The following PHF14 variants were observed in gnomAD, a reference collection of about 807,000 sequenced individuals.
The protein encoded by PHF14 is PHD finger protein 14.
PHF14 carries 55 observed loss-of-function variants against 117.9 expected under a neutral mutation model. That is an observed-to-expected ratio of 0.47 (90% CI 0.38 to 0.58). The LOEUF is 0.58. PHF14 is among the 20% of genes least tolerant of loss of function. The pLI is 0.00. For missense variants in PHF14, 978 were observed against 1,122.2 expected, an observed-to-expected ratio of 0.87 and a Z score of 1.84; for synonymous variants, 409 against 368.6, an observed-to-expected ratio of 1.11 and a Z score of -1.26.
chr7:11,035,758 G>C lies in PHF14; in HGVS notation c.1574G>C (p.Arg525Thr). The change falls in exon 8 of 18, where the codon AGA becomes ACA. Residue 525 changes from arginine (R) to threonine (T), a missense_variant. Transcript: ENST00000634607. ...TATTGTAAAATGTCTTTGCAAGAGA[G>C]AGAGAAGCAACTATCACCAGAAGCA... The part of the protein sequence containing the change: ...QSYCKMSLQE[R>T]EKQLSPEAQA... 6.2e-7 allele frequency: 1 copy of C among 1,608,128 alleles called. No individual in the cohort carries two copies. Among genetic ancestry groups the C allele is most frequent in the Non-Finnish European group, 8.5e-7 (1 of 1,176,834 alleles).
intron 4 of PHF14, among the ~76,000 whole-genome samples, chr7:10,993,968 C>T (rs1262760735): frequency 6.8e-6 from 1 of 148,062 alleles, no homozygotes; most frequent in Non-Finnish European, 1.5e-5. Context: ...AAGATTGCGC[C>T]AGTGCACTTT....
rs771091879 is a variant in PHF14 at position 10,983,059 on chromosome 7, G to A, written c.800G>A (p.Gly267Asp). ...EDHSSPASEG[G>D]CKKKKSKVLS... ...CATAGTAGCCCTGCCAGTGAAGGGG[G>A]TTGCAAGAAGAAGAAGAGTAAAGTT... Residue 267 changes from glycine (G) to aspartate (D), a missense_variant, in exon 3 of 18, where the codon GGT (glycine) becomes GAT (aspartate). Physicochemically the swap from Gly to Asp is moderately conservative, Grantham distance 94. This residue lies in a region of PHF14 where 414 missense variants were observed against 376.4 expected (regional missense o/e 1.10). Coordinates refer to ENST00000634607, the MANE Select transcript of PHF14 (RefSeq NM_001007157.2). 6.3e-7 allele frequency: 1 copy of A among 1,597,528 alleles called. No homozygotes were observed. Among genetic ancestry groups the A allele is most frequent in the South Asian group, 1.1e-5 (1 of 90,314 alleles).
At chr7:11,106,685 T>C (rs1254209847) in intron 16 of PHF14, 4 of 984,224 alleles carry the variant, frequency 4.1e-6, no homozygotes, top group Non-Finnish European at 4.8e-6. Flanking sequence ...GCGTAGATGT[T>C]TGAGCTGCTA....
chr7:11,159,199 T>C (rs939410635), intron 17 of PHF14, among the ~76,000 whole-genome samples: 1 of 152,074 alleles, frequency 6.6e-6, no homozygotes, highest in African/African-American at 2.4e-5. Context: ...ATATCTGTTA[T>C]TTATTCTAAA....
chr7:10,997,275 C>T lies in PHF14; in HGVS notation c.1045+6428C>T, dbSNP rs530589699. Among the ~76,000 whole-genome samples the T allele has an allele frequency of 9.9e-5, 15 of 152,140 alleles. No homozygotes were observed. In the South Asian group the frequency reaches 2.5e-3, roughly 25 times the overall value. ...TCACTGAATTTAGTAACATGAGGGT[C>T]ATTGGCCATCTTGACCTGAGAGAGT... On this transcript the variant is annotated intron_variant, in intron 4 of 17. Coordinates refer to ENST00000634607, the MANE Select transcript of PHF14 (RefSeq NM_001007157.2).
Position 11,111,266 on chromosome 7 carries a change from T to G in PHF14, c.2655-84T>G, listed in dbSNP as rs564362401. Reference sequence around the variant, plus strand: ...ACAGTGTTGAAGTTGAAATATACAATAGTTTGTCTTTTTGTCTTTTCATGA... The same window carrying G: ...ACAGTGTTGAAGTTGAAATATACAAGAGTTTGTCTTTTTGTCTTTTCATGA... On this transcript the variant is annotated intron_variant, in intron 16 of 17. Coordinates refer to ENST00000634607, the MANE Select transcript of PHF14 (RefSeq NM_001007157.2). 35 of 608,628 alleles carry G rather than the reference T, an allele frequency of 5.8e-5. No homozygotes were observed. In the African/African-American group the frequency reaches 5.8e-4, roughly 10 times the overall value. The allele number at this position is 608,628 out of a possible 1,614,324, so 37.7% of individuals were successfully genotyped here.
At chr7:11,102,069 C>T (rs929066907) in intron 16 of PHF14, among the ~76,000 whole-genome samples, 1 of 151,670 alleles carries the variant, frequency 6.6e-6, no homozygotes, top group Admixed American at 6.6e-5. Context: ...GTTTTCAGCA[C>T]AGTTTTATGT....
chr7:11,044,697 CTT>C (rs1477663105), intron 13 of PHF14, among the ~76,000 whole-genome samples: 1 of 152,102 alleles, frequency 6.6e-6, no homozygotes, highest in African/African-American at 2.4e-5. Context: ...ATACTCAAAA[CTT>C]AACACTTTCT....
chr7:11,120,104 C>T (rs894341169), intron 17 of PHF14, among the ~76,000 whole-genome samples: 13 of 151,658 alleles, frequency 8.6e-5, no homozygotes, highest in African/African-American at 3.1e-4. Flanking sequence ...TTGGATGCGT[C>T]GTATAGTAGG....
At chr7:11,068,255 G>A (rs1583431531) in intron 16 of PHF14, among the ~76,000 whole-genome samples, 1 of 148,688 alleles carries the variant, frequency 6.7e-6, no homozygotes, top group African/African-American at 2.5e-5. Context: ...GGAGGCTGAG[G>A]CAGGAGAATG....
intron 17 of PHF14, among the ~76,000 whole-genome samples, chr7:11,162,444 T>G (rs190765478): frequency 6.6e-6 from 1 of 152,262 alleles, no homozygotes; most frequent in Non-Finnish European, 1.5e-5. Context: ...TTTTCATGTT[T>G]ATGGAAATAT....
intron 7 of PHF14, among the ~76,000 whole-genome samples, chr7:11,030,950 TTTGACAGTAA>T (rs1784101860): frequency 6.6e-6 from 1 of 152,218 alleles, no homozygotes; most frequent in African/African-American, 2.4e-5. Context: ...GAAGTTTGCA[TTTGACAGTAA>T]TCATTCTGTC....
intron 16 of PHF14, among the ~76,000 whole-genome samples, chr7:11,084,495 G>GT (rs11291559): frequency 1.6e-3 from 228 of 141,424 alleles, no homozygotes; most frequent in Middle Eastern, 3.9e-3. Flanking sequence ...TTACTCTTGT[G>GT]TTTTTTTTTT....
At chr7:11,008,832 G>C (rs1466177841) in intron 4 of PHF14, among the ~76,000 whole-genome samples, 2 of 151,890 alleles carry the variant, frequency 1.3e-5, no homozygotes, top group East Asian at 1.9e-4. Context: ...TCAGGAGATC[G>C]AGACCATCCT....
At chr7:10,992,343 C>T (rs1354728454) in intron 4 of PHF14, among the ~76,000 whole-genome samples, 7 of 150,536 alleles carry the variant, frequency 4.7e-5, no homozygotes, top group Admixed American at 1.3e-4. Context: ...CATGAGCCAC[C>T]GTGCCTGGCT....
At chr7:11,127,151 C>G (rs1787950235) in intron 17 of PHF14, among the ~76,000 whole-genome samples, 2 of 151,604 alleles carry the variant, frequency 1.3e-5, no homozygotes, top group Non-Finnish European at 2.9e-5. Flanking sequence ...AGTTTAATGT[C>G]AAATCTTCTA....
At chr7:11,076,468 C>T (rs1181024582) in intron 16 of PHF14, among the ~76,000 whole-genome samples, 1 of 151,458 alleles carries the variant, frequency 6.6e-6, no homozygotes, top group Non-Finnish European at 1.5e-5. Flanking sequence ...CTTTAGATGT[C>T]ATTGGATTTT....
At chr7:11,043,013 A>C (rs527549172) in intron 13 of PHF14, among the ~76,000 whole-genome samples, 199 bp downstream of exon 13, 3 of 151,992 alleles carry the variant, frequency 2.0e-5, no homozygotes, top group African/African-American at 4.8e-5. Flanking sequence ...AATTGTGGCT[A>C]TTATCTTAGC....
At chr7:11,164,996 C>G (rs1273189848) in intron 17 of PHF14, among the ~76,000 whole-genome samples, 1 of 152,178 alleles carries the variant, frequency 6.6e-6, no homozygotes, top group Non-Finnish European at 1.5e-5. Context: ...GCGATCTCCG[C>G]TCACTGCAGC....
Sources: gnomAD v4.1 joint callset for allele counts (sites outside exome capture counted in the v4.1 genomes callset) on GRCh38, gnomAD v4.1.1 for gene constraint, gnomAD v4.1.1 regional missense constraint, MANE v1.5 for transcripts, NCBI Gene and HGNC (gene_info 2026-07-23, HGNC 2026-07-21) for gene names.